FAM161A: variants seen among roughly 807,000 people sequenced by gnomAD.
FAM161A encodes the protein FAM161 centrosomal protein A.
FAM161A carries 57 observed loss-of-function variants against 70.9 expected under a neutral mutation model. That is an observed-to-expected ratio of 0.80 (90% confidence interval 0.65 to 1.00). FAM161A has a LOEUF of 1.00. Ranked by LOEUF, FAM161A falls within the 50% of genes least tolerant of loss-of-function variation. The pLI, the probability that FAM161A is intolerant of heterozygous loss-of-function variation, is 0.00. For missense variants in FAM161A, 880 were observed against 836.0 expected (o/e 1.05, Z -0.65); for synonymous variants, 299 against 295.7 (o/e 1.01, Z -0.12).
the FAM161A span, among the ~76,000 whole-genome samples, chr2:61,815,831 G>A: frequency 3.9e-5 from 6 of 152,002 alleles, no homozygotes; most frequent in East Asian, 1.9e-4. Flanking sequence ...GATTACAGGC[G>A]TGAGCCACCA....
At chr2:61,833,296 C>T (rs557715094) in intron 5 of FAM161A, among the ~76,000 whole-genome samples, 9 of 151,744 alleles carry the variant, frequency 5.9e-5, no homozygotes, top group South Asian at 4.2e-4. Context: ...CACGGTGGCG[C>T]GCACCTGTAA....
At chr2:61,808,574 A>G in the FAM161A span, among the ~76,000 whole-genome samples, 2 of 151,948 alleles carry the variant, frequency 1.3e-5, no homozygotes, top group Non-Finnish European at 2.9e-5. Flanking sequence ...GCCTGGCCGG[A>G]AAAATTCTTT....
At chr2:61,800,867 A>C in the FAM161A span, among the ~76,000 whole-genome samples, 1 of 152,048 alleles carries the variant, frequency 6.6e-6, no homozygotes, top group Admixed American at 6.5e-5. Context: ...GCAGTGGCGC[A>C]ATCTCAGCTC....
chr2:61,839,338 A>C, intron 3 of FAM161A, 83 bp downstream of exon 3: 1 of 1,283,366 alleles, frequency 7.8e-7, no homozygotes, highest in South Asian at 1.2e-5. Flanking sequence ...AGTATTTTCA[A>C]ATTTACCAAC....
chr2:61,816,787 C>A, the FAM161A span, among the ~76,000 whole-genome samples: 2 of 152,100 alleles, frequency 1.3e-5, no homozygotes, highest in Admixed American at 6.6e-5. Context: ...TAACTTGGAG[C>A]AAATGACCCT....
Position 61,839,620 on chromosome 2 carries a change from A to G in FAM161A, c.1384T>C (p.Ser462Pro). 6.2e-7 allele frequency: 1 copy of G among 1,614,182 alleles called. No homozygotes were observed. Among genetic ancestry groups the G allele is most frequent in the Non-Finnish European group, 8.5e-7 (1 of 1,180,044 alleles). The change falls in exon 3 of 7, where the codon TCT becomes CCT. Residue 462 changes from serine (S) to proline (P), a missense_variant. By Grantham distance (74) the Ser-to-Pro change is moderately conservative. Transcript: ENST00000404929. Reference protein sequence around the residue: ...TVCKPFDLHASPHASIKREKI... With the variant: ...TVCKPFDLHAPPHASIKREKI... ...TCTCTTTTAATAGATGCATGTGGAG[A>G]TGCATGAAGATCAAATGGTTTACAC...
At chr2:61,802,419 C>T in the FAM161A span, among the ~76,000 whole-genome samples, 67 of 152,168 alleles carry the variant, frequency 4.4e-4, no homozygotes, top group African/African-American at 1.6e-3. Flanking sequence ...ATAATACTAA[C>T]GTTGAAAAAA....
intron 5 of FAM161A, chr2:61,835,369 AG>A (rs1672733281): frequency 6.6e-6 from 1 of 152,276 alleles, no homozygotes; most frequent in Non-Finnish European, 1.5e-5. Flanking sequence ...GCATAAACTT[AG>A]TAAAATCAGG....
the FAM161A span, among the ~76,000 whole-genome samples, chr2:61,808,512 T>TC: frequency 6.6e-6 from 1 of 152,090 alleles, no homozygotes; most frequent in Admixed American, 6.5e-5. Flanking sequence ...GGCCTTGTGA[T>TC]CCACCCTCCT....
At chr2:61,808,960 C>G in the FAM161A span, among the ~76,000 whole-genome samples, 19 of 151,118 alleles carry the variant, frequency 1.3e-4, no homozygotes, top group African/African-American at 4.6e-4. Context: ...GCAACCTCCC[C>G]CTCCCAGGTT....
the FAM161A span, among the ~76,000 whole-genome samples, chr2:61,815,368 G>A: frequency 1.3e-5 from 2 of 151,992 alleles, no homozygotes; most frequent in Non-Finnish European, 2.9e-5. Context: ...GAAAGAACCT[G>A]TTCGTTGAAT....
rs1471629161 is a variant in FAM161A at position 61,826,609 on chromosome 2, G to T, written c.2007-10C>A. 7 of 1,598,158 alleles carry T rather than the reference G, an allele frequency of 4.4e-6. No homozygotes were observed. In the African/African-American group the frequency reaches 8.0e-5, roughly 18 times the overall value. ...TTCTTCTTCATTAAAGCTAGGGGAA[G>T]AAATTTATCAATCTTTCAAAGGAAA... is the stretch of plus-strand genomic sequence containing the variant. On this transcript the variant is annotated splice_polypyrimidine_tract_variant and intron_variant, in intron 6 of 6. Transcript: ENST00000404929.
intron 1 of FAM161A, among the ~76,000 whole-genome samples, chr2:61,852,102 T>C (rs975087994): frequency 6.6e-6 from 1 of 152,040 alleles, no homozygotes; most frequent in Non-Finnish European, 1.5e-5. Flanking sequence ...CTGTGGCAGC[T>C]TACCCAGCTT....
rs1363515970 is a variant in FAM161A at position 61,825,072 on chromosome 2, C to T, written c.*1383G>A. The stretch of plus-strand genomic sequence containing the variant: ...AATGACCTTATTTTTAAATTTAAAG[C>T]ATAAATTGCCAGTTTGGAAACACTG... On this transcript the variant is annotated 3_prime_UTR_variant, in exon 7 of 7. Transcript: ENST00000404929. 4.4e-6 allele frequency: 2 copies of T among 453,608 alleles called. No individual in the cohort carries two copies. The highest frequency in any genetic ancestry group is 8.8e-6 in the Non-Finnish European group (2 of 226,686). 28.1% of individuals were successfully genotyped at this position (453,608 alleles called of 1,614,324 possible). A position where few individuals can be genotyped will look rare whatever the true frequency, so the allele number is the denominator to read the frequency against.
At chr2:61,833,502 A>G (rs752423531) in intron 5 of FAM161A, among the ~76,000 whole-genome samples, 1 of 152,038 alleles carries the variant, frequency 6.6e-6, no homozygotes, top group Non-Finnish European at 1.5e-5. Context: ...AAGTTATAAC[A>G]CTGAATTCCG....
At chr2:61,830,576 C>T (rs1045257783) in intron 5 of FAM161A, among the ~76,000 whole-genome samples, 9 of 149,490 alleles carry the variant, frequency 6.0e-5, no homozygotes, top group African/African-American at 2.0e-4. Context: ...CCCAGCTACT[C>T]AGGAGACTGA....
At chr2:61,821,606 TTTTTG>T (rs1458093073), downstream of FAM161A, among the ~76,000 whole-genome samples, 2 of 151,966 alleles carry the variant, frequency 1.3e-5, no homozygotes, top group African/African-American at 4.8e-5. Context: ...TCTTTTTTTC[TTTTTG>T]TTTTGAGACA....
At chr2:61,804,816 AAGAGAAAG>A in the FAM161A span, among the ~76,000 whole-genome samples, 2 of 144,356 alleles carry the variant, frequency 1.4e-5, no homozygotes, top group East Asian at 2.0e-4. Context: ...GAAAGAAAGA[AAGAGAAAG>A]AGAAAGAAAG....
chr2:61,815,328 A>G, the FAM161A span, among the ~76,000 whole-genome samples: 1 of 152,132 alleles, frequency 6.6e-6, no homozygotes, highest in Admixed American at 6.6e-5. Context: ...CCATGCCAGT[A>G]TGCTGTATGA....
Sources: allele counts gnomAD v4.1 joint callset (sites outside exome capture counted in the v4.1 genomes callset), GRCh38; gene constraint gnomAD v4.1.1; transcripts MANE v1.5; gene names NCBI Gene and HGNC (gene_info 2026-07-23, HGNC 2026-07-21).